The following SF3B2 variants were observed in gnomAD, a reference collection of about 807,000 sequenced individuals.
SF3B2 encodes splicing factor 3b subunit 2.
SF3B2 carries 22 observed loss-of-function variants against 116.3 expected under a neutral mutation model. The observed-to-expected ratio is 0.19, with a 90% CI of 0.14 to 0.27. The LOEUF (loss-of-function observed/expected upper bound fraction) is 0.27. SF3B2 is among the 10% of genes least tolerant of loss of function. The pLI is 1.00. For missense variants in SF3B2, 767 were observed against 1,151.4 expected, an observed-to-expected ratio of 0.67 and a Z score of 4.83; for synonymous variants, 406 against 421.6, an observed-to-expected ratio of 0.96 and a Z score of 0.45.
In SF3B2 at chr11:66,052,512, T is replaced by A. The variant is rs1214757600; in HGVS notation, c.128T>A (p.Ile43Asn). The A allele has an allele frequency of 4.3e-6, 7 of 1,612,774 alleles. No individual in the cohort carries two copies. In the Admixed American group the frequency reaches 1.2e-4, roughly 27 times the overall value. The change falls in exon 1 of 22, where the codon ATC becomes AAC. Residue 43 changes from isoleucine to asparagine, a missense_variant. Ile to Asn is a moderately radical substitution (Grantham distance 149). Around this residue, in one of 4 missense-constraint regions of SF3B2, gnomAD observed 455 missense variants for 537.5 expected, o/e 0.85. Coordinates refer to ENST00000322535, the MANE Select transcript of SF3B2 (RefSeq NM_006842.3). Reference protein sequence around the residue: ...QAKLAEIGAPIQGNREELVER... With the variant: ...QAKLAEIGAPNQGNREELVER... ...AAGTTGGCAGAGATCGGAGCTCCGATCCAGGGTGAGGAACACAGGAAGTCG... is the reference window on the plus strand; with the variant it reads ...AAGTTGGCAGAGATCGGAGCTCCGAACCAGGGTGAGGAACACAGGAAGTCG...
chr11:66,066,315 CCTTT>C (rs1857183262), intron 19 of SF3B2: 1 of 150,408 alleles, frequency 6.6e-6, no homozygotes, highest in Admixed American at 6.6e-5. Flanking sequence ...TTTTTCTTTT[CCTTT>C]CTTTTTTTGA....
chr11:66,052,825 G>GCCTCCGCCTTGCTGT, intron 2 of SF3B2, 106 bp downstream of exon 2: 2 of 1,374,488 alleles, frequency 1.5e-6, no homozygotes, highest in Non-Finnish European at 2.0e-6. Flanking sequence ...GGCACAGCAA[G>GCCTCCGCCTTGCTGT]GCGGAGGCTT....
chr11:66,067,439 G>A, intron 19 of SF3B2: 1 of 456,260 alleles, frequency 2.2e-6, no homozygotes, highest in South Asian at 1.5e-5. Context: ...GGAGATGATG[G>A]GCATAGTCTG....
intron 13 of SF3B2, among the ~76,000 whole-genome samples, 153 bp from the exon 14 acceptor site, chr11:66,060,429 G>A (rs1017100583): frequency 6.6e-6 from 1 of 152,210 alleles, no homozygotes; most frequent in African/African-American, 2.4e-5. Context: ...TATGGATTAT[G>A]TAATTTTGAA....
chr11:66,059,396 C>T lies in SF3B2; in HGVS notation c.1320+58C>T. ...ACTCTGGGCACAGGTGGCTGAGATGCATCCAGAGAGGGACCATGGTGAACT... is the reference window on the plus strand; with the variant it reads ...ACTCTGGGCACAGGTGGCTGAGATGTATCCAGAGAGGGACCATGGTGAACT... On this transcript the variant is annotated intron_variant, in intron 11 of 21. Coordinates refer to ENST00000322535, the MANE Select transcript of SF3B2 (RefSeq NM_006842.3). This position sits in a 1 kb window ranked among gnomAD's most constrained non-coding sequence, Gnocchi z 5.0. The T allele has an allele frequency of 6.2e-7, 1 of 1,611,044 alleles. No individual in the cohort carries two copies. The highest frequency in any genetic ancestry group is 8.5e-7 in the Non-Finnish European group (1 of 1,177,682).
At chr11:66,062,862 G>A (rs1489366036) in intron 16 of SF3B2, 147 bp from the exon 17 acceptor site, 1 of 471,946 alleles carries the variant, frequency 2.1e-6, no homozygotes, top group Non-Finnish European at 3.7e-6. Flanking sequence ...GGTTTCTAAT[G>A]CTTCATAACA....
chr11:66,056,341 A>C (rs546021125), intron 5 of SF3B2, among the ~76,000 whole-genome samples: 53 of 142,920 alleles, frequency 3.7e-4, no homozygotes, highest in African/African-American at 1.2e-3. Flanking sequence ...CCGAGGTTGC[A>C]GTGAGCTGAG....
intron 4 of SF3B2, 44 bp from the exon 5 acceptor site, chr11:66,055,491 G>A (rs371966257): frequency 3.5e-5 from 57 of 1,610,376 alleles, no homozygotes; most frequent in African/African-American, 2.9e-4. Context: ...GCAGATTGGC[G>A]TGTTGGGTAT....
chr11:66,068,718 C>G lies in SF3B2; in HGVS notation c.2661C>G (p.Ser887Arg). 1.2e-6 allele frequency: 2 copies of G among 1,614,038 alleles called. No individual in the cohort carries two copies. The highest frequency in any genetic ancestry group is 1.7e-6 in the Non-Finnish European group (2 of 1,179,994). ...KAQPQDSRGG[S>R]KKYKEFKF Reference sequence around the variant, plus strand: ...AGCCCCAGGACAGCCGTGGGGGCAGCAAGAAATATAAGGAGTTCAAGTTTT... The same window carrying G: ...AGCCCCAGGACAGCCGTGGGGGCAGGAAGAAATATAAGGAGTTCAAGTTTT... Residue 887 changes from serine (S) to arginine (R), a missense_variant, in exon 22 of 22, where the codon AGC (serine) becomes AGG (arginine). Around this residue, in one of 4 missense-constraint regions of SF3B2, gnomAD observed 27 missense variants for 28.0 expected, o/e 0.96. Coordinates refer to ENST00000322535, the MANE Select transcript of SF3B2 (RefSeq NM_006842.3).
chr11:66,068,064 C>T lies in SF3B2; in HGVS notation c.2430+19C>T, dbSNP rs370238972. 43 of 1,613,096 alleles carry T rather than the reference C, an allele frequency of 2.7e-5. No individual in the cohort carries two copies. Among genetic ancestry groups the T allele is most frequent in the Non-Finnish European group, 3.2e-5 (38 of 1,179,466 alleles). Reference sequence around the variant, plus strand: ...GTCCACGGTGAGTACTTGGAGGATACTGCTTTTGGAGGCTGAGAAAGGCAG... The same window carrying T: ...GTCCACGGTGAGTACTTGGAGGATATTGCTTTTGGAGGCTGAGAAAGGCAG... On this transcript the variant is annotated intron_variant, in intron 20 of 21. Transcript: ENST00000322535.
At chr11:66,052,882 T>C in intron 2 of SF3B2, 145 bp from the exon 3 acceptor site, 1 of 1,201,910 alleles carries the variant, frequency 8.3e-7, no homozygotes, top group South Asian at 1.3e-5. Flanking sequence ...TTGTAATTTC[T>C]TGTATCCATC....
chr11:66,059,323 C>T lies in SF3B2; in HGVS notation c.1305C>T (p.Ser435=). Residue 435 remains serine (S), a synonymous_variant, in exon 11 of 22, where the codon AGC becomes AGT. Transcript: ENST00000322535. This position sits in a 1 kb window ranked among gnomAD's most constrained non-coding sequence, Gnocchi z 5.0. The stretch of plus-strand genomic sequence containing the variant: ...AGCACAAGGACAGTGATGATGACAG[C>T]AGTGATGACGAGCAGGTCAGGCCCA... The part of the protein sequence containing the change: ...EEEHKDSDDD[S]SDDEQEKKPE... The T allele has an allele frequency of 6.2e-7, 1 of 1,613,954 alleles. No individual in the cohort carries two copies. Among genetic ancestry groups the T allele is most frequent in the Non-Finnish European group, 8.5e-7 (1 of 1,179,938 alleles).
chr11:66,059,670 G>T lies in SF3B2; in HGVS notation c.1401+75G>T, dbSNP rs1355024011. 6.3e-7 allele frequency: 1 copy of T among 1,592,300 alleles called. No homozygotes were observed. Among genetic ancestry groups the T allele is most frequent in the South Asian group, 1.1e-5 (1 of 90,598 alleles). ...CCTGGGGAGCCAGGGAGGTGAAAAG[G>T]AGTTCTTTGAAGGAGGTGTGGGTGA... On this transcript the variant is annotated intron_variant, in intron 12 of 21. Transcript: ENST00000322535. This position sits in a 1 kb window ranked among gnomAD's most constrained non-coding sequence, Gnocchi z 5.0.
intron 21 of SF3B2, 142 bp downstream of exon 21, chr11:66,068,475 GAAA>G: frequency 1.0e-6 from 1 of 996,388 alleles, no homozygotes; most frequent in Non-Finnish European, 1.5e-6. Context: ...GGAAGTCTTA[GAAA>G]TCCTCCAGTG....
chr11:66,058,125 C>T lies in SF3B2; in HGVS notation c.849C>T (p.Arg283=), dbSNP rs753864724. 1 of 1,609,534 alleles carries T rather than the reference C, an allele frequency of 6.2e-7. No homozygotes were observed. Among genetic ancestry groups the T allele is most frequent in the Non-Finnish European group, 8.5e-7 (1 of 1,177,944 alleles). Residue 283 remains arginine (R), a synonymous_variant, in exon 8 of 22, where the codon CGC becomes CGT. Transcript: ENST00000322535. Reference sequence around the variant, plus strand: ...AGATCCTGCAGCTGAAGGAGAGCCGCCAGGAAGAGATGAATTCTCAGCAGG... The same window carrying T: ...AGATCCTGCAGCTGAAGGAGAGCCGTCAGGAAGAGATGAATTCTCAGCAGG... The part of the protein sequence containing the change: ...LEKILQLKES[R]QEEMNSQQEE...
rs569500240 is a variant in SF3B2 at position 66,053,585 on chromosome 11, T to C, written c.258+481T>C. The stretch of plus-strand genomic sequence containing the variant: ...AAGTCCCTATAAAGAGGCTCAAGGA[T>C]TGCTGGAGCCCTGGGGTTGGAGGCT... On this transcript the variant is annotated intron_variant, in intron 3 of 21. Transcript: ENST00000322535. 1.1e-4 allele frequency: 18 copies of C among 166,918 alleles called. 1 individual carries two copies. The South Asian group carries it at 2.4e-3, about 22-fold the overall frequency. The allele number at this position is 166,918 out of a possible 1,614,324, so 10.3% of individuals were successfully genotyped here.
rs780340377 is a variant in SF3B2 at position 66,055,561 on chromosome 11, T to C, written c.525T>C (p.His175=). ...AGGGAGATCATTCGCTGAAGGAACA[T>C]GAGCTCTTGGAGCAGCAGAAGCGGG... is the stretch of plus-strand genomic sequence containing the variant. ...KQQGDHSLKE[H]ELLEQQKRAA... Residue 175 remains histidine (H), a synonymous_variant, in exon 5 of 22, where the codon CAT becomes CAC. Coordinates refer to ENST00000322535, the MANE Select transcript of SF3B2 (RefSeq NM_006842.3). The C allele has an allele frequency of 6.8e-6, 11 of 1,614,086 alleles. No homozygotes were observed. The highest frequency in any genetic ancestry group is 6.7e-5 in the Admixed American group (4 of 60,002).
At chr11:66,065,820 C>T (rs1785035625) in intron 19 of SF3B2, 1 of 152,112 alleles carries the variant, frequency 6.6e-6, no homozygotes, top group African/African-American at 2.4e-5. Flanking sequence ...TATTCTTTCT[C>T]TCTTAACTTT....
chr11:66,055,601 CT>C lies in SF3B2; in HGVS notation c.549+17del, dbSNP rs1488743336. ...GCAGAAGCGGGTAATACCCCTCCCC[CT>C]AACCTTTGACCTCGTGGTCCAGTCA... On this transcript the variant is annotated intron_variant, in intron 5 of 21. Coordinates refer to ENST00000322535, the MANE Select transcript of SF3B2 (RefSeq NM_006842.3). The C allele has an allele frequency of 2.5e-6, 4 of 1,613,552 alleles. No individual in the cohort carries two copies. In the South Asian group the frequency reaches 4.4e-5, roughly 18 times the overall value.
Sources: gnomAD v4.1 joint callset for allele counts (sites outside exome capture counted in the v4.1 genomes callset) on GRCh38, gnomAD v4.1.1 for gene constraint, gnomAD v4.1.1 regional missense constraint, Gnocchi (gnomAD v3.1) non-coding constraint, MANE v1.5 for transcripts, NCBI Gene and HGNC (gene_info 2026-07-23, HGNC 2026-07-21) for gene names.